Variants in LYPLA1 observed in about 807,000 individuals in gnomAD.
The protein encoded by LYPLA1 is lysophospholipase 1, also known as acyl-protein thioesterase 1.
Under a neutral mutation model 34.0 loss-of-function variants are expected in LYPLA1, and 17 were observed. The observed-to-expected ratio is 0.50, with a 90% CI of 0.34 to 0.75. The LOEUF is 0.75. LYPLA1 is among the 30% of genes least tolerant of loss of function. The pLI, the probability that LYPLA1 is intolerant of heterozygous loss-of-function variation, is 0.01. For synonymous variants in LYPLA1, 98 were observed against 100.8 expected (o/e 0.97, Z 0.17); for missense variants, 203 against 288.8 (o/e 0.70, Z 2.15).
chr8:54,068,914 C>T (rs1807270242), intron 2 of LYPLA1, among the ~76,000 whole-genome samples: 1 of 152,036 alleles, frequency 6.6e-6, no homozygotes, highest in African/African-American at 2.4e-5. Flanking sequence ...GTTTGCAAAT[C>T]ACATCTAATT....
intron 2 of LYPLA1, chr8:54,100,660 G>A (rs1170402008): frequency 2.1e-6 from 1 of 470,964 alleles, no homozygotes; most frequent in East Asian, 4.2e-5. Flanking sequence ...AATACCCAAA[G>A]CAACTAATGA....
At chr8:54,077,419 T>C (rs1034219599) in intron 2 of LYPLA1, among the ~76,000 whole-genome samples, 1 of 152,102 alleles carries the variant, frequency 6.6e-6, no homozygotes, top group Admixed American at 6.6e-5. Flanking sequence ...GGTGACAAAA[T>C]TATCTGTACA....
intron 2 of LYPLA1, among the ~76,000 whole-genome samples, chr8:54,094,250 G>T (rs1309785553): frequency 6.6e-6 from 1 of 152,156 alleles, no homozygotes; most frequent in African/African-American, 2.4e-5. Context: ...CAGGGAGGGG[G>T]ACACATGAAG....
At chr8:54,066,772 C>T (rs1807098581) in intron 2 of LYPLA1, among the ~76,000 whole-genome samples, 1 of 150,670 alleles carries the variant, frequency 6.6e-6, no homozygotes. Flanking sequence ...CAGAGCGAGA[C>T]TCCATCTCAA....
At chr8:54,101,016 A>C in intron 1 of LYPLA1, 77 bp from the exon 2 acceptor site, 2 of 1,255,830 alleles carry the variant, frequency 1.6e-6, no homozygotes, top group South Asian at 2.5e-5. Context: ...GCTTTGCTTA[A>C]GGTGGAAAAC....
At position 54,047,645 on chromosome 8, in the gene LYPLA1, A is replaced by G. The variant is rs556035881; in HGVS notation, c.*420T>C. 6.4e-6 allele frequency: 1 copy of G among 155,754 alleles called. No individual in the cohort carries two copies. Among genetic ancestry groups the G allele is most frequent in the South Asian group, 2.0e-4 (1 of 4,882 alleles). The allele number at this position is 155,754 out of a possible 1,614,324, so 9.6% of individuals were successfully genotyped here. ...ACAGACACTGCATGGTGACTAAGCAATTTTGGAATAAATCCATAGACTAAG... is the reference window on the plus strand; with the variant it reads ...ACAGACACTGCATGGTGACTAAGCAGTTTTGGAATAAATCCATAGACTAAG... On this transcript the variant is annotated 3_prime_UTR_variant, in exon 9 of 9. Coordinates refer to ENST00000316963, the MANE Select transcript of LYPLA1 (RefSeq NM_006330.4).
chr8:54,081,876 T>A (rs1184466702), intron 2 of LYPLA1, among the ~76,000 whole-genome samples: 3 of 152,048 alleles, frequency 2.0e-5, no homozygotes, highest in Non-Finnish European at 2.9e-5. Context: ...ATTACAGGCA[T>A]GTGCCACCAC....
chr8:54,046,021 AC>A (rs1018126970), downstream of LYPLA1, among the ~76,000 whole-genome samples: 6 of 152,306 alleles, frequency 3.9e-5, no homozygotes, highest in African/African-American at 1.4e-4. Context: ...AGATCGCACC[AC>A]TGCACCCCAG....
chr8:54,101,248 C>T, intron 1 of LYPLA1: 1 of 711,808 alleles, frequency 1.4e-6, no homozygotes, highest in Non-Finnish European at 1.9e-6. Context: ...AGGAACATCT[C>T]ACATATCCTG....
chr8:54,063,484 C>T, intron 3 of LYPLA1, 109 bp from the exon 4 acceptor site: 1 of 720,434 alleles, frequency 1.4e-6, no homozygotes, highest in Non-Finnish European at 2.4e-6. Flanking sequence ...AAACTATATG[C>T]TACAGTTTTA....
intron 7 of LYPLA1, 91 bp downstream of exon 7, chr8:54,052,564 A>G: frequency 1.3e-6 from 1 of 798,624 alleles, no homozygotes; most frequent in South Asian, 1.8e-5. Flanking sequence ...AAGTTTATTA[A>G]TAAAAAAAAA....
chr8:54,059,030 A>G (rs1377196491), intron 5 of LYPLA1, among the ~76,000 whole-genome samples: 2 of 152,242 alleles, frequency 1.3e-5, no homozygotes, highest in African/African-American at 2.4e-5. Context: ...GGAAAGAAGT[A>G]ACAAGTATTT....
At chr8:54,074,269 G>C (rs1439904167) in intron 2 of LYPLA1, among the ~76,000 whole-genome samples, 1 of 152,188 alleles carries the variant, frequency 6.6e-6, no homozygotes, top group Non-Finnish European at 1.5e-5. Context: ...GCCTTTAATA[G>C]TCATAGATTA....
intron 2 of LYPLA1, among the ~76,000 whole-genome samples, chr8:54,069,415 A>T (rs767401799): frequency 6.6e-6 from 1 of 152,140 alleles, no homozygotes; most frequent in African/African-American, 2.4e-5. Context: ...AAGAAAAAAT[A>T]CTTTAAAAAA....
At chr8:54,097,144 C>CT (rs1809747407) in intron 2 of LYPLA1, among the ~76,000 whole-genome samples, 1 of 152,142 alleles carries the variant, frequency 6.6e-6, no homozygotes, top group Non-Finnish European at 1.5e-5. Flanking sequence ...CCGCAACTTG[C>CT]TTTTTAATTA....
At chr8:54,099,301 C>A (rs888300646) in intron 2 of LYPLA1, among the ~76,000 whole-genome samples, 1 of 152,172 alleles carries the variant, frequency 6.6e-6, no homozygotes, top group Non-Finnish European at 1.5e-5. Context: ...TTCACAGGAC[C>A]ACTGGATTGC....
At chr8:54,082,948 G>T (rs141805380) in intron 2 of LYPLA1, among the ~76,000 whole-genome samples, 3,874 of 152,146 alleles carry the variant, frequency 0.025, 80 homozygotes, top group Non-Finnish European at 0.043. Flanking sequence ...GGATGGTCTC[G>T]ATCTCCTGAC....
chr8:54,072,284 C>T (rs1343936226), intron 2 of LYPLA1, among the ~76,000 whole-genome samples: 1 of 152,068 alleles, frequency 6.6e-6, no homozygotes, highest in Admixed American at 6.6e-5. Context: ...TATAAAAACT[C>T]GAAAGACAAC....
intron 2 of LYPLA1, among the ~76,000 whole-genome samples, chr8:54,074,137 G>T (rs1009577456): frequency 6.6e-6 from 1 of 152,206 alleles, no homozygotes; most frequent in African/African-American, 2.4e-5. Context: ...AGCTGGGTGT[G>T]GTGGCGGGAG....
Sources: gnomAD v4.1 joint callset for allele counts (sites outside exome capture counted in the v4.1 genomes callset) on GRCh38, gnomAD v4.1.1 for gene constraint, MANE v1.5 for transcripts, NCBI Gene and HGNC (gene_info 2026-07-23, HGNC 2026-07-21) for gene names.